The following TYR variants were observed in gnomAD, a reference collection of about 807,000 sequenced individuals.
TYR encodes tyrosinase.
TYR carries 58 observed loss-of-function variants against 51.5 expected under a neutral mutation model. The ratio of observed to expected loss-of-function variants is 1.13; its 90% confidence interval spans 0.91 to 1.40. TYR has a LOEUF of 1.40. Among genes scored for constraint, TYR ranks in the 40% most tolerant of loss-of-function variants. The pLI is 0.00. For missense variants in TYR, 732 were observed against 647.4 expected (o/e 1.13, Z -1.42); for synonymous variants, 263 against 235.2 (o/e 1.12, Z -1.08).
intron 3 of TYR, among the ~76,000 whole-genome samples, chr11:89,246,310 C>T (rs1944266858): frequency 6.6e-6 from 1 of 152,130 alleles, no homozygotes; most frequent in African/African-American, 2.4e-5. Flanking sequence ...TTGCAGATCT[C>T]CAAGCCTAAT....
At chr11:89,257,682 C>T (rs1944409926) in intron 3 of TYR, among the ~76,000 whole-genome samples, 3 of 152,084 alleles carry the variant, frequency 2.0e-5, no homozygotes. Flanking sequence ...AGATGCGTAG[C>T]TGCTGCAGAC....
chr11:89,245,536 T>C (rs1379614921), intron 3 of TYR, among the ~76,000 whole-genome samples: 5 of 152,202 alleles, frequency 3.3e-5, no homozygotes, highest in Admixed American at 6.5e-5. Context: ...GTGCAGTTAC[T>C]GCTGCAGGAG....
At chr11:89,237,995 C>A (rs1399547227) in intron 3 of TYR, among the ~76,000 whole-genome samples, 1 of 151,898 alleles carries the variant, frequency 6.6e-6, no homozygotes, top group Non-Finnish European at 1.5e-5. Flanking sequence ...ACCACCATAT[C>A]TGGCTAATTT....
intron 3 of TYR, among the ~76,000 whole-genome samples, chr11:89,252,283 C>G (rs1944339710): frequency 6.6e-6 from 1 of 151,326 alleles, no homozygotes; most frequent in African/African-American, 2.4e-5. Flanking sequence ...AACAGTAAGG[C>G]TAATAAGATT....
At chr11:89,231,974 G>C (rs1944056212) in intron 3 of TYR, among the ~76,000 whole-genome samples, 2 of 120,936 alleles carry the variant, frequency 1.7e-5, no homozygotes, top group African/African-American at 3.6e-5. Flanking sequence ...AACAGAGTGA[G>C]ATTCCATCTC....
chr11:89,257,309 A>G (rs1349207562), intron 3 of TYR, among the ~76,000 whole-genome samples: 4 of 151,952 alleles, frequency 2.6e-5, no homozygotes, highest in Non-Finnish European at 5.9e-5. Context: ...CCTCCCATAC[A>G]TAGGTAAATT....
intron 3 of TYR, among the ~76,000 whole-genome samples, chr11:89,233,545 G>C (rs546440620): frequency 7.1e-6 from 1 of 139,936 alleles, no homozygotes; most frequent in South Asian, 2.4e-4. Context: ...ACTATCTATG[G>C]AATATATAGC....
chr11:89,247,848 T>C (rs1488189366), intron 3 of TYR, among the ~76,000 whole-genome samples: 2 of 152,176 alleles, frequency 1.3e-5, no homozygotes, highest in Non-Finnish European at 2.9e-5. Flanking sequence ...GACTGTAGGA[T>C]AGATCTTTAC....
chr11:89,255,799 T>A (rs1184368849), intron 3 of TYR, among the ~76,000 whole-genome samples: 1 of 151,762 alleles, frequency 6.6e-6, no homozygotes, highest in Non-Finnish European at 1.5e-5. Flanking sequence ...TCTAATTTTT[T>A]ATAACCAGCC....
intron 3 of TYR, among the ~76,000 whole-genome samples, chr11:89,243,448 A>T (rs899177787): frequency 2.0e-5 from 3 of 152,040 alleles, no homozygotes; most frequent in Non-Finnish European, 2.9e-5. Flanking sequence ...CAAGGTCCTT[A>T]CTCCAGTCTT....
chr11:89,281,529 C>T (rs147082641), intron 3 of TYR, among the ~76,000 whole-genome samples: 2,349 of 151,776 alleles, frequency 0.015, 53 homozygotes, highest in African/African-American at 0.055. Flanking sequence ...AGCCATTCAT[C>T]GAAGTGTTTC....
chr11:89,251,967 T>C (rs41320146), intron 3 of TYR, among the ~76,000 whole-genome samples: 2,531 of 151,954 alleles, frequency 0.017, 61 homozygotes, highest in African/African-American at 0.057. Context: ...TGTAGTAGTG[T>C]CACTCTTAAG....
At chr11:89,277,021 C>T (rs1467703280) in intron 3 of TYR, among the ~76,000 whole-genome samples, 1 of 151,678 alleles carries the variant, frequency 6.6e-6, no homozygotes, top group South Asian at 2.1e-4. Flanking sequence ...CTCATTTTAT[C>T]CTTAACTATT....
chr11:89,270,939 A>G (rs1944580776), intron 3 of TYR, among the ~76,000 whole-genome samples: 1 of 151,860 alleles, frequency 6.6e-6, no homozygotes, highest in Non-Finnish European at 1.5e-5. Flanking sequence ...TAGGCAAAAA[A>G]TTACACATGA....
At chr11:89,237,817 T>G (rs934392260) in intron 3 of TYR, among the ~76,000 whole-genome samples, 2 of 151,656 alleles carry the variant, frequency 1.3e-5, no homozygotes, top group African/African-American at 4.8e-5. Context: ...CCAAATTTTG[T>G]ATTTTATTAT....
intron 2 of TYR, among the ~76,000 whole-genome samples, chr11:89,226,506 T>C (rs1319043115): frequency 6.6e-6 from 1 of 151,972 alleles, no homozygotes; most frequent in African/African-American, 2.4e-5. Context: ...CCCAGAGGGA[T>C]CAGGGATTGG....
chr11:89,294,990 GGT>G (rs1266045908), intron 4 of TYR, among the ~76,000 whole-genome samples, 151 bp from the exon 5 acceptor site: 1 of 152,120 alleles, frequency 6.6e-6, no homozygotes, highest in African/African-American at 2.4e-5. Context: ...TGGAGTATTA[GGT>G]GTAACTTTCC....
chr11:89,278,138 TTC>T (rs1189002341), intron 3 of TYR, among the ~76,000 whole-genome samples: 1 of 151,748 alleles, frequency 6.6e-6, no homozygotes, highest in East Asian at 1.9e-4. Flanking sequence ...CCAAATTCCA[TTC>T]TGTCCTTCAG....
At chr11:89,247,506 T>C (rs755659698) in intron 3 of TYR, among the ~76,000 whole-genome samples, 22 of 152,192 alleles carry the variant, frequency 1.4e-4, no homozygotes, top group Non-Finnish European at 3.1e-4. Context: ...AGCTGCTCTT[T>C]GTAGGATTAA....
Sources: allele counts gnomAD v4.1 joint callset (sites outside exome capture counted in the v4.1 genomes callset), GRCh38; gene constraint gnomAD v4.1.1; transcripts MANE v1.5; gene names NCBI Gene and HGNC (gene_info 2026-07-23, HGNC 2026-07-21).